Variants in LRCH3 observed in about 807,000 individuals in gnomAD.
LRCH3 encodes DISP complex protein LRCH3.
A neutral mutation model predicts 104.5 loss-of-function variants in LRCH3; 68 were observed. That is an observed-to-expected ratio of 0.65 (90% CI 0.54 to 0.80). The LOEUF is 0.80. LRCH3 is among the 30% of genes least tolerant of loss of function. The pLI, the probability that LRCH3 is intolerant of heterozygous loss-of-function variation, is 0.00. For missense variants in LRCH3, 951 were observed against 953.9 expected (o/e 1.00, Z 0.04); for synonymous variants, 344 against 361.3 (o/e 0.95, Z 0.54).
intron 4 of LRCH3, among the ~76,000 whole-genome samples, chr3:197,825,036 C>T (rs2109244327): frequency 6.6e-6 from 1 of 152,280 alleles, no homozygotes; most frequent in Non-Finnish European, 1.5e-5. Context: ...TGTCTTTATT[C>T]TATGTTCCCC....
chr3:197,812,792 C>T (rs148914409), intron 1 of LRCH3, among the ~76,000 whole-genome samples: 142 of 152,194 alleles, frequency 9.3e-4, no homozygotes, highest in African/African-American at 3.3e-3. Context: ...GAACTCCTGA[C>T]CTCAAGTGAT....
At position 197,832,193 on chromosome 3, in the gene LRCH3, T is replaced by A; in HGVS notation, c.982-4T>A. 6.2e-7 allele frequency: 1 copy of A among 1,610,510 alleles called. No individual in the cohort carries two copies. ...GTTTTTAATGTTTCTGCTTCTTTTT[T>A]AAGCCTACAGATGAATTTTCAGATC... On this transcript the variant is annotated splice_polypyrimidine_tract_variant and splice_region_variant and intron_variant, in intron 7 of 20. Transcript: ENST00000425562.
chr3:197,866,545 A>C (rs1376487021), intron 17 of LRCH3, among the ~76,000 whole-genome samples: 5 of 152,216 alleles, frequency 3.3e-5, no homozygotes, highest in South Asian at 4.1e-4. Flanking sequence ...CTGTTTTCTT[A>C]AAACAATAAT....
chr3:197,801,679 TCTA>T (rs912056216), intron 1 of LRCH3, among the ~76,000 whole-genome samples: 1 of 152,190 alleles, frequency 6.6e-6, no homozygotes, highest in Non-Finnish European at 1.5e-5. Context: ...CATCTTTTCT[TCTA>T]CTAGATTGGC....
intron 12 of LRCH3, among the ~76,000 whole-genome samples, chr3:197,849,267 CA>C (rs35823428): frequency 0.072 from 2,545 of 35,286 alleles, 49 homozygotes; most frequent in African/African-American, 0.2. Flanking sequence ...GACTCCACCT[CA>C]AAAAAAAAAA....
Position 197,835,670 on chromosome 3 carries a change from A to G in LRCH3, c.1103-4A>G. 6.2e-7 allele frequency: 1 copy of G among 1,611,532 alleles called. No individual in the cohort carries two copies. The highest frequency in any genetic ancestry group is 2.2e-5 in the East Asian group (1 of 44,800). ...GTGTGTGGGTGTGTGTGTGGTGTAT[A>G]CAGTGGAACATGATCTGGATCAGAT... On this transcript the variant is annotated splice_region_variant and splice_polypyrimidine_tract_variant and intron_variant, in intron 8 of 20. Coordinates refer to ENST00000425562, the MANE Select transcript of LRCH3 (RefSeq NM_001365715.1).
chr3:197,864,615 AAAAAAAAAC>A (rs1741252829), intron 15 of LRCH3, among the ~76,000 whole-genome samples: 1 of 150,628 alleles, frequency 6.6e-6, no homozygotes, highest in Admixed American at 6.6e-5. Context: ...CATCTCAAAA[AAAAAAAAAC>A]AAAAAACAAA....
intron 1 of LRCH3, among the ~76,000 whole-genome samples, chr3:197,802,357 C>T (rs143779354): frequency 6.6e-6 from 1 of 152,230 alleles, no homozygotes; most frequent in Non-Finnish European, 1.5e-5. Context: ...TGTTGGCTCA[C>T]AATTTTGGAG....
chr3:197,820,300 T>C (rs767145662), intron 3 of LRCH3, 25 bp from the exon 4 acceptor site: 1 of 1,507,344 alleles, frequency 6.6e-7, no homozygotes. Flanking sequence ...TAGGACAATC[T>C]TTATTTTGTA....
Position 197,837,620 on chromosome 3 carries a change from C to G in LRCH3, c.1252-1701C>G, listed in dbSNP as rs113853419. On this transcript the variant is annotated intron_variant, in intron 9 of 20. Transcript: ENST00000425562. ...ACTATTATTTAATTTTATTATAATA[C>G]TTGTCACATACATAGACCATTCCTG... Among the ~76,000 whole-genome samples the G allele has an allele frequency of 1.5e-3, 232 of 152,092 alleles. 1 individual carries two copies. The highest frequency in any genetic ancestry group is 5.3e-3 in the African/African-American group (220 of 41,480).
chr3:197,881,788 T>A, intron 20 of LRCH3: 1 of 985,400 alleles, frequency 1.0e-6, no homozygotes, highest in African/African-American at 1.7e-5. Context: ...GAAGAGAGAT[T>A]GTGAGGAGCA....
intron 10 of LRCH3, 82 bp downstream of exon 10, chr3:197,839,479 G>A (rs1411558454): frequency 7.9e-6 from 6 of 763,200 alleles, no homozygotes; most frequent in Non-Finnish European, 1.3e-5. Context: ...GCAGATCTGT[G>A]TGTAATAAAG....
intron 1 of LRCH3, among the ~76,000 whole-genome samples, chr3:197,793,152 A>C (rs1438862518): frequency 6.6e-6 from 1 of 152,234 alleles, no homozygotes; most frequent in African/African-American, 2.4e-5. Context: ...CTTTGCAGTC[A>C]TTAAAAATTT....
chr3:197,838,124 G>T (rs11928427), intron 9 of LRCH3, among the ~76,000 whole-genome samples: 29,607 of 151,854 alleles, frequency 0.19, 5,427 homozygotes, highest in African/African-American at 0.49. Context: ...TGTGTTTATT[G>T]TTTAAAGTGG....
chr3:197,824,628 G>A lies in LRCH3; in HGVS notation c.641-2250G>A, dbSNP rs547633519. 3.0e-3 allele frequency among the ~76,000 whole-genome samples: 442 copies of A among 146,846 alleles called. 4 individuals carry two copies. The highest frequency in any genetic ancestry group is 5.1e-3 in the Non-Finnish European group (342 of 67,252). ...GTCACCCAGGCTGGAGTACAGTGGC[G>A]CGATCTCGGCTCACGGTAACCTCTG... On this transcript the variant is annotated intron_variant, in intron 4 of 20. Coordinates refer to ENST00000425562, the MANE Select transcript of LRCH3 (RefSeq NM_001365715.1).
At chr3:197,831,473 A>T (rs1259112745) in intron 7 of LRCH3, among the ~76,000 whole-genome samples, 1 of 152,068 alleles carries the variant, frequency 6.6e-6, no homozygotes, top group African/African-American at 2.4e-5. Flanking sequence ...TATTTATAAC[A>T]TTGTTTTACT....
At chr3:197,798,268 A>C (rs1731491862) in intron 1 of LRCH3, among the ~76,000 whole-genome samples, 1 of 149,936 alleles carries the variant, frequency 6.7e-6, no homozygotes, top group Non-Finnish European at 1.5e-5. Flanking sequence ...CTCAAAAAAA[A>C]TAAATAAATA....
chr3:197,812,092 G>A (rs995581502), intron 1 of LRCH3, among the ~76,000 whole-genome samples: 11 of 152,058 alleles, frequency 7.2e-5, no homozygotes, highest in Admixed American at 7.2e-4. Context: ...CCTTCATACT[G>A]TTGTGCAGCT....
chr3:197,799,719 T>C (rs933804131), intron 1 of LRCH3, among the ~76,000 whole-genome samples: 7 of 151,732 alleles, frequency 4.6e-5, no homozygotes, highest in African/African-American at 1.7e-4. Context: ...ATACAAAAAA[T>C]TAGCTGGCTG....
Sources: allele counts gnomAD v4.1 joint callset (sites outside exome capture counted in the v4.1 genomes callset), GRCh38; gene constraint gnomAD v4.1.1; transcripts MANE v1.5; gene names NCBI Gene and HGNC (gene_info 2026-07-23, HGNC 2026-07-21).